The following AKAP9 variants were observed in gnomAD, a reference collection of about 807,000 sequenced individuals.
AKAP9 encodes A-kinase anchor protein 9.
A neutral mutation model predicts 488.5 loss-of-function variants in AKAP9; 311 were observed. That is an observed-to-expected ratio of 0.64 (90% confidence interval 0.58 to 0.70). AKAP9 has a LOEUF of 0.70. AKAP9 is among the 30% of genes least tolerant of loss of function. AKAP9 has a pLI of 0.00. For synonymous variants in AKAP9, 1,462 were observed against 1,483.5 expected (o/e 0.99, Z 0.33); for missense variants, 4,215 against 4,374.5 (o/e 0.96, Z 1.03).
intron 8 of AKAP9, among the ~76,000 whole-genome samples, chr7:92,011,472 C>G (rs1171363582): frequency 6.6e-6 from 1 of 152,124 alleles, no homozygotes; most frequent in African/African-American, 2.4e-5. Context: ...ATTCAGTGTA[C>G]TTCCAGTCAT....
chr7:91,991,515 A>T (rs1797750370), intron 3 of AKAP9, among the ~76,000 whole-genome samples: 1 of 144,776 alleles, frequency 6.9e-6, no homozygotes, highest in Non-Finnish European at 1.5e-5. Context: ...TCTGTCGCCC[A>T]GGCTGTAGTG....
At chr7:91,972,386 A>G (rs1011196027) in intron 1 of AKAP9, among the ~76,000 whole-genome samples, 8 of 152,148 alleles carry the variant, frequency 5.3e-5, no homozygotes, top group Non-Finnish European at 1.2e-4. Flanking sequence ...AAGGAGCCCA[A>G]GTTGATGGAG....
chr7:92,021,957 CA>C (rs1230043104), intron 12 of AKAP9, among the ~76,000 whole-genome samples: 2 of 152,054 alleles, frequency 1.3e-5, no homozygotes, highest in Non-Finnish European at 2.9e-5. Flanking sequence ...AGCTTTCTAC[CA>C]AAATTCTCAG....
intron 49 of AKAP9, among the ~76,000 whole-genome samples, chr7:92,109,730 G>C (rs1819061725): frequency 6.6e-6 from 1 of 152,156 alleles, no homozygotes. Context: ...TAGGTCAGGA[G>C]TTCAAGACCA....
intron 36 of AKAP9, among the ~76,000 whole-genome samples, 196 bp downstream of exon 36, chr7:92,085,882 TC>T (rs1489995224): frequency 2.0e-5 from 3 of 152,072 alleles, no homozygotes; most frequent in African/African-American, 7.2e-5. Context: ...GGTGGGTGGA[TC>T]ACCTGAAGTC....
chr7:91,977,175 G>A lies in AKAP9; in HGVS notation c.307-3114G>A, dbSNP rs531546599. ...CTCCAGAGGCTAAGGTGGGAGAATC[G>A]CTTGAGCCCAAGAGGTGGAGGCTGC... is the stretch of plus-strand genomic sequence containing the variant. On this transcript the variant is annotated intron_variant, in intron 2 of 49. Transcript: ENST00000356239. Among the ~76,000 whole-genome samples the A allele has an allele frequency of 4.6e-5, 7 of 152,252 alleles. No homozygotes were observed. The East Asian group carries it at 5.8e-4, about 13-fold the overall frequency.
At chr7:91,962,224 T>C (rs1174643922) in intron 1 of AKAP9, among the ~76,000 whole-genome samples, 1 of 152,210 alleles carries the variant, frequency 6.6e-6, no homozygotes. Context: ...TATCTATTAG[T>C]ATAAGAAATT....
At chr7:92,055,121 T>G (rs904882183) in intron 22 of AKAP9, among the ~76,000 whole-genome samples, 30 of 152,084 alleles carry the variant, frequency 2.0e-4, no homozygotes, top group African/African-American at 7.0e-4. Context: ...TTAATGAATA[T>G]GTAATTTATT....
chr7:92,093,136 T>C lies in AKAP9; in HGVS notation c.9398T>C (p.Met3133Thr), dbSNP rs976110055. 6.2e-7 allele frequency: 1 copy of C among 1,614,084 alleles called. No individual in the cohort carries two copies. Among genetic ancestry groups the C allele is most frequent in the African/African-American group, 1.3e-5 (1 of 74,946 alleles). The change falls in exon 39 of 50, where the codon ATG becomes ACG. Residue 3133 changes from methionine to threonine, a missense_variant. Coordinates refer to ENST00000356239, the MANE Select transcript of AKAP9 (RefSeq NM_005751.5). ...EYNIQQKQSQ[M>T]LEMQVELSSM... ...AATATACAGCAGAAGCAGTCTCAAA[T>C]GCTGGAGATGCAAGTGGAGCTCAGC...
intron 36 of AKAP9, 96 bp from the exon 37 acceptor site, chr7:92,086,132 G>T (rs559397050): frequency 7.3e-5 from 76 of 1,040,778 alleles, no homozygotes; most frequent in Non-Finnish European, 1.0e-4. Context: ...CATGCTCCTA[G>T]GCTTTTAATT....
intron 8 of AKAP9, among the ~76,000 whole-genome samples, chr7:92,011,688 CATTGAG>C (rs1303367015): frequency 6.6e-6 from 1 of 152,188 alleles, no homozygotes; most frequent in Non-Finnish European, 1.5e-5. Context: ...CCCAGAAACA[CATTGAG>C]ATCCTTGTGA....
intron 7 of AKAP9, among the ~76,000 whole-genome samples, chr7:91,998,425 T>G (rs975205826): frequency 2.9e-5 from 1 of 34,008 alleles, no homozygotes; most frequent in African/African-American, 3.0e-4. Context: ...GCTCTTTTTT[T>G]TTTTTTTTTT....
chr7:91,954,459 A>G (rs1720873543), intron 1 of AKAP9, among the ~76,000 whole-genome samples: 1 of 152,106 alleles, frequency 6.6e-6, no homozygotes, highest in Non-Finnish European at 1.5e-5. Flanking sequence ...TATTTTTTAT[A>G]GAGGCAGGGT....
chr7:92,000,667 T>G (rs1799035378), intron 7 of AKAP9, among the ~76,000 whole-genome samples, 181 bp from the exon 8 acceptor site: 1 of 152,190 alleles, frequency 6.6e-6, no homozygotes, highest in Admixed American at 6.6e-5. Context: ...CAAGTAGTGT[T>G]GGTTACACGA....
rs1799256078 is a variant in AKAP9, at chr7:92,002,169, A to G, written c.2252A>G (p.Lys751Arg). 1 of 1,594,420 alleles carries G rather than the reference A, an allele frequency of 6.3e-7. No homozygotes were observed. Among genetic ancestry groups the G allele is most frequent in the East Asian group, 2.2e-5 (1 of 44,700 alleles). Residue 751 changes from lysine to arginine, a missense_variant, in exon 8 of 50, where the codon AAA becomes AGA. Transcript: ENST00000356239. ...CAAGAAGTTCAAGAATTACAACTTAAAACAGAATTGTTAGAAAAACAGATG... is the reference window on the plus strand; with the variant it reads ...CAAGAAGTTCAAGAATTACAACTTAGAACAGAATTGTTAGAAAAACAGATG... ...LEQEVQELQL[K>R]TELLEKQMKE...
chr7:92,048,068 A>C (rs1423397056), intron 21 of AKAP9, among the ~76,000 whole-genome samples: 4 of 152,206 alleles, frequency 2.6e-5, no homozygotes, highest in African/African-American at 9.6e-5. Context: ...TACTGGCTTT[A>C]AAATATTAAC....
chr7:92,095,080 T>G lies in AKAP9; in HGVS notation c.9636T>G (p.Ser3212Arg). 1 of 1,614,142 alleles carries G rather than the reference T, an allele frequency of 6.2e-7. No homozygotes were observed. Among genetic ancestry groups the G allele is most frequent in the Non-Finnish European group, 8.5e-7 (1 of 1,180,000 alleles). The change falls in exon 40 of 50, where the codon AGT becomes AGG. Residue 3212 changes from serine (S) to arginine (R), a missense_variant. This residue lies in a region of AKAP9 where 1,476 missense variants were observed against 1,477.4 expected (regional missense o/e 1.00). Transcript: ENST00000356239. ...ATTTGCTTAATGACACATTAGCAAG[T>G]GAACAGAAAAAATCAAGAGAGCTCC... The part of the protein sequence containing the change: ...EVHLLNDTLA[S>R]EQKKSRELQW...
At chr7:92,054,819 G>A (rs1361696710) in intron 22 of AKAP9, among the ~76,000 whole-genome samples, 1 of 151,940 alleles carries the variant, frequency 6.6e-6, no homozygotes, top group Non-Finnish European at 1.5e-5. Context: ...ACTGGTTGGG[G>A]TAGCTTTCAT....
chr7:92,050,555 G>T (rs1248720808), intron 21 of AKAP9, among the ~76,000 whole-genome samples: 3 of 152,100 alleles, frequency 2.0e-5, no homozygotes, highest in Non-Finnish European at 4.4e-5. Context: ...GTGTCTTGAA[G>T]CCGTCTCTTT....
Sources: gnomAD v4.1 joint callset for allele counts (sites outside exome capture counted in the v4.1 genomes callset) on GRCh38, gnomAD v4.1.1 for gene constraint, gnomAD v4.1.1 regional missense constraint, MANE v1.5 for transcripts, NCBI Gene and HGNC (gene_info 2026-07-23, HGNC 2026-07-21) for gene names.